The following PATL1 variants were observed in gnomAD, a reference collection of about 807,000 sequenced individuals.
PATL1 encodes the protein protein PAT1 homolog 1.
Under a neutral mutation model 100.6 loss-of-function variants are expected in PATL1, and 32 were observed. The observed-to-expected ratio is 0.32, with a 90% CI of 0.24 to 0.43. PATL1 has a LOEUF of 0.43. Ranked by LOEUF, PATL1 falls within the 20% of genes least tolerant of loss-of-function variation. The pLI is 1.00. For missense variants in PATL1, 747 were observed against 949.9 expected (o/e 0.79, Z 2.81); for synonymous variants, 332 against 330.0 (o/e 1.01, Z -0.07).
intron 15 of PATL1, among the ~76,000 whole-genome samples, chr11:59,643,386 A>C (rs567903869): frequency 6.6e-6 from 1 of 152,144 alleles, no homozygotes; most frequent in East Asian, 1.9e-4. Context: ...AGGACACAGA[A>C]CCTCAGGGAT....
rs763444872 is a variant in PATL1 at position 59,650,791 on chromosome 11, C to T, written c.1547G>A (p.Arg516Gln). 2.1e-5 allele frequency: 33 copies of T among 1,556,816 alleles called. No individual in the cohort carries two copies. The highest frequency in any genetic ancestry group is 2.6e-5 in the Non-Finnish European group (30 of 1,148,776). Reference sequence around the variant, plus strand: ...AACAAGGGTTTTTCTCCTCTTGTCTCGAACTTGTTTTTCTTTTGTCTCCTA... The same window carrying T: ...AACAAGGGTTTTTCTCCTCTTGTCTTGAACTTGTTTTTCTTTTGTCTCCTA... ...EDDETKEKQV[R>Q]DKRRKTLVII... The change falls in exon 13 of 19, where the codon CGA (arginine) becomes CAA (glutamine). Residue 516 changes from arginine to glutamine, a missense_variant. Arg to Gln is a conservative substitution (Grantham distance 43). Coordinates refer to ENST00000300146, the MANE Select transcript of PATL1 (RefSeq NM_152716.3).
At chr11:59,662,573 A>T (rs1193421476) in intron 2 of PATL1, among the ~76,000 whole-genome samples, 4 of 152,216 alleles carry the variant, frequency 2.6e-5, no homozygotes, top group African/African-American at 9.6e-5. Context: ...ACCAAATGTG[A>T]CATTCATATT....
chr11:59,660,401 A>C (rs1861611270), intron 2 of PATL1, among the ~76,000 whole-genome samples: 1 of 152,234 alleles, frequency 6.6e-6, no homozygotes, highest in South Asian at 2.1e-4. Flanking sequence ...CCAGAAGATG[A>C]AATTGCTGTA....
intron 16 of PATL1, among the ~76,000 whole-genome samples, chr11:59,642,426 T>A (rs968568023): frequency 6.6e-6 from 1 of 152,224 alleles, no homozygotes; most frequent in African/African-American, 2.4e-5. Flanking sequence ...GACAATGTCC[T>A]GGCTATTAAC....
chr11:59,668,937 G>A lies in PATL1; in HGVS notation c.-42C>T. 4.8e-6 allele frequency: 2 copies of A among 413,304 alleles called. No individual in the cohort carries two copies. The highest frequency in any genetic ancestry group is 4.4e-6 in the Non-Finnish European group (1 of 226,562). The allele number at this position is 413,304 out of a possible 1,614,324, so 25.6% of individuals were successfully genotyped here. On this transcript the variant is annotated 5_prime_UTR_variant, in exon 1 of 19. Transcript: ENST00000300146. ...AGGGAGCGGGGAGGGGAGAGGGGGA[G>A]GGAGGGAAGAAGCGCTGACTCCCCG...
rs1284823651 is a variant in PATL1 at position 59,647,638 on chromosome 11, A to G, written c.1893+116T>C. 3.7e-6 allele frequency: 4 copies of G among 1,091,946 alleles called. No homozygotes were observed. The African/African-American group carries it at 6.4e-5, about 18-fold the overall frequency. The allele number at this position is 1,091,946 out of a possible 1,614,324, so 67.6% of individuals were successfully genotyped here. The stretch of plus-strand genomic sequence containing the variant: ...TTTGTTTTAAATAATCAAATCACAC[A>G]GCCAAAGATTAGACAAAAATACAAA... On this transcript the variant is annotated intron_variant, in intron 15 of 18. Transcript: ENST00000300146.
chr11:59,652,124 C>T (rs997166898), intron 11 of PATL1, among the ~76,000 whole-genome samples: 4 of 68,406 alleles, frequency 5.8e-5, no homozygotes, highest in Non-Finnish European at 1.1e-4. Context: ...TTAAAGCAAC[C>T]CCTTATCAAA....
Position 59,647,807 on chromosome 11 carries a change from T to C in PATL1, c.1840A>G (p.Met614Val), listed in dbSNP as rs774695140. The C allele has an allele frequency of 2.7e-5, 43 of 1,613,816 alleles. No homozygotes were observed. Among genetic ancestry groups the C allele is most frequent in the Non-Finnish European group, 3.4e-5 (40 of 1,179,824 alleles). ...AAAGGGAGGTTCCTGGCTGTTGTCA[T>C]GAGAATGTCAGCTGCTTGCTCTGTG... ...LSTEQAADIL[M>V]TTARNLPFLI... The change falls in exon 15 of 19, where the codon ATG becomes GTG. Residue 614 changes from methionine to valine, a missense_variant. This residue lies in a region of PATL1 where 434 missense variants were observed against 596.1 expected (regional missense o/e 0.73). Transcript: ENST00000300146.
In PATL1 at chr11:59,637,096, C is replaced by T. The variant is rs1290672670; in HGVS notation, c.*1294G>A. ...ATACCATAACCTGTCCCTCCCACCCCCCAACTACATTCGAAAAAGTAAGAA... is the reference window on the plus strand; with the variant it reads ...ATACCATAACCTGTCCCTCCCACCCTCCAACTACATTCGAAAAAGTAAGAA... On this transcript the variant is annotated 3_prime_UTR_variant, in exon 19 of 19. Coordinates refer to ENST00000300146, the MANE Select transcript of PATL1 (RefSeq NM_152716.3). 6.6e-6 allele frequency: 1 copy of T among 152,596 alleles called. No homozygotes were observed. Among genetic ancestry groups the T allele is most frequent in the Non-Finnish European group, 1.5e-5 (1 of 68,070 alleles). 9.5% of individuals were successfully genotyped at this position (152,596 alleles called of 1,614,324 possible).
rs748019832 is a variant in PATL1 at position 59,652,064 on chromosome 11, CAAAAA to C, written c.1426+395_1426+399del. ...TGGACAACAGAGTAAGGCTCTTTCT[CAAAAA>C]AAAAAAAAAAAAAAAAAAAAAAAGA... On this transcript the variant is annotated intron_variant, in intron 11 of 18. Transcript: ENST00000300146. 9.0e-3 allele frequency among the ~76,000 whole-genome samples: 476 copies of C among 52,968 alleles called. 4 individuals carry two copies. Among genetic ancestry groups the C allele is most frequent in the African/African-American group, 0.031 (434 of 14,042 alleles). The allele number at this position is 52,968 out of a possible 152,430, so 34.7% of individuals were successfully genotyped here.
At chr11:59,649,834 A>T (rs1297191471) in intron 13 of PATL1, among the ~76,000 whole-genome samples, 1 of 152,142 alleles carries the variant, frequency 6.6e-6, no homozygotes, top group Non-Finnish European at 1.5e-5. Flanking sequence ...CAAAGACAGT[A>T]AAATAGTCTA....
At chr11:59,666,627 G>A (rs1455351720) in intron 2 of PATL1, among the ~76,000 whole-genome samples, 1 of 152,198 alleles carries the variant, frequency 6.6e-6, no homozygotes, top group Admixed American at 6.5e-5. Context: ...GAAGGGGCAA[G>A]GCTTACAGAA....
chr11:59,644,334 C>T (rs1014257457), intron 15 of PATL1, among the ~76,000 whole-genome samples: 1 of 151,398 alleles, frequency 6.6e-6, no homozygotes, highest in African/African-American at 2.4e-5. Context: ...CTTCATAGAC[C>T]ATTTCTCAGG....
chr11:59,655,884 A>T, intron 7 of PATL1, 72 bp downstream of exon 7: 1 of 1,368,300 alleles, frequency 7.3e-7, no homozygotes, highest in South Asian at 1.3e-5. Context: ...ACAGCAAAAA[A>T]AGGGGCTATT....
At chr11:59,668,746 C>G (rs1455534191) in intron 1 of PATL1, 135 bp downstream of exon 1, 1 of 479,208 alleles carries the variant, frequency 2.1e-6, no homozygotes, top group Non-Finnish European at 3.9e-6. Context: ...CCAGACCAGT[C>G]GCGTCCAGCT....
chr11:59,658,111 C>G (rs1861563872), intron 4 of PATL1, among the ~76,000 whole-genome samples: 1 of 151,374 alleles, frequency 6.6e-6, no homozygotes, highest in Non-Finnish European at 1.5e-5. Context: ...TTACAGAGAG[C>G]TATGACTGTA....
intron 4 of PATL1, 134 bp downstream of exon 4, chr11:59,658,732 G>A: frequency 1.5e-6 from 1 of 656,930 alleles, no homozygotes; most frequent in Non-Finnish European, 2.6e-6. Context: ...GCATAGCTAA[G>A]TGCTGGATGC....
At chr11:59,658,843 T>A in intron 4 of PATL1, 23 bp downstream of exon 4, 1 of 1,527,072 alleles carries the variant, frequency 6.5e-7, no homozygotes, top group Non-Finnish European at 8.8e-7. Flanking sequence ...ATAAATTTTA[T>A]GTAAAGAGAA....
At chr11:59,668,746 C>A in intron 1 of PATL1, 135 bp downstream of exon 1, 1 of 479,208 alleles carries the variant, frequency 2.1e-6, no homozygotes, top group South Asian at 2.1e-5. Flanking sequence ...CCAGACCAGT[C>A]GCGTCCAGCT....
Sources: allele counts gnomAD v4.1 joint callset (sites outside exome capture counted in the v4.1 genomes callset), GRCh38; gene constraint gnomAD v4.1.1; regional missense constraint gnomAD v4.1.1; transcripts MANE v1.5; gene names NCBI Gene and HGNC (gene_info 2026-07-23, HGNC 2026-07-21).